The following MTERF4 variants were observed in gnomAD, a reference collection of about 807,000 sequenced individuals.
MTERF4 encodes the protein mitochondrial transcription termination factor 4, also known as transcription termination factor 4, mitochondrial.
A neutral mutation model predicts 22.5 loss-of-function variants in MTERF4; 17 were observed. The observed-to-expected ratio is 0.75, with a 90% confidence interval of 0.52 to 1.13. The LOEUF is 1.13. Among genes scored for constraint, MTERF4 ranks in the 50% most tolerant of loss-of-function variants. The pLI is 0.00. For synonymous variants in MTERF4, 165 were observed against 175.3 expected (o/e 0.94, Z 0.47); for missense variants, 420 against 466.8 (o/e 0.90, Z 0.92).
chr2:241,097,474 A>T, intron 2 of MTERF4, 47 bp from the exon 3 acceptor site: 1 of 1,559,576 alleles, frequency 6.4e-7, no homozygotes, highest in Non-Finnish European at 8.7e-7. Flanking sequence ...AGGATACTCC[A>T]GAAACTCAAG....
rs1185157220 is a variant in MTERF4, at chr2:241,096,392, C to T, written c.752G>A (p.Ser251Asn). ...MGIKHPDIVK[S>N]EYLQYSLTKI... ...GGTTAGTGAATACTGCAAGTACTCA[C>T]TCTTTACAATGTCTGGATGCTTAAT... Residue 251 changes from serine to asparagine, a missense_variant, in exon 4 of 4, where the codon AGT becomes AAT. Physicochemically the swap from Ser to Asn is conservative, Grantham distance 46. Transcript: ENST00000391980. The surrounding 1 kb of genome is among the most constrained non-coding windows in gnomAD (Gnocchi z 5.1). 8 of 1,614,094 alleles carry T rather than the reference C, an allele frequency of 5.0e-6. No homozygotes were observed. The highest frequency in any genetic ancestry group is 6.8e-6 in the Non-Finnish European group (8 of 1,180,054).
chr2:241,090,421 CT>C (rs79342625), downstream of MTERF4: 46 of 1,547,876 alleles, frequency 3.0e-5, no homozygotes, highest in African/African-American at 4.1e-4. Context: ...TTATAGTTAA[CT>C]TTTTTTCATA....
the MTERF4 span, among the ~76,000 whole-genome samples, chr2:241,045,955 A>T: frequency 6.6e-6 from 1 of 152,236 alleles, no homozygotes; most frequent in African/African-American, 2.4e-5. Flanking sequence ...TCAAATCTCA[A>T]CTGTGAGAAA....
downstream of MTERF4, chr2:241,092,149 A>T (rs544058126): frequency 6.6e-6 from 1 of 152,456 alleles, no homozygotes; most frequent in East Asian, 1.9e-4. This position sits in a 1 kb window ranked among gnomAD's most constrained non-coding sequence, Gnocchi z 4.6. Flanking sequence ...TCAGAAGGAA[A>T]GCCGGGTTGC....
At chr2:241,074,839 T>G (rs1207922480) in exon 5 of MTERF4, 1 of 152,198 alleles carries the variant, frequency 6.6e-6, no homozygotes, top group African/African-American at 2.4e-5. Flanking sequence ...GAACGATACC[T>G]TCTATCTTGC....
chr2:241,062,931 G>A, the MTERF4 span: 1 of 1,436,002 alleles, frequency 7.0e-7, no homozygotes, highest in East Asian at 2.4e-5. Flanking sequence ...CCCCGCTGGG[G>A]TGACAGCTGC....
the MTERF4 span, among the ~76,000 whole-genome samples, chr2:241,063,176 C>T: frequency 6.6e-6 from 1 of 152,252 alleles, no homozygotes; most frequent in African/African-American, 2.4e-5. Flanking sequence ...AGGTCACAGT[C>T]TCTGACACCT....
At chr2:241,048,703 C>T in the MTERF4 span, 1 of 1,612,956 alleles carries the variant, frequency 6.2e-7, no homozygotes, top group Admixed American at 1.7e-5. Flanking sequence ...AGGCAGATGC[C>T]TGGGCGCCAA....
chr2:241,071,475 C>T, downstream of MTERF4: 1 of 1,396,630 alleles, frequency 7.2e-7, no homozygotes, highest in Non-Finnish European at 9.8e-7. Flanking sequence ...TTCCCTTCTC[C>T]AAGCACGGCT....
chr2:241,101,301 C>G (rs2064696361), intron 1 of MTERF4: 1 of 396,292 alleles, frequency 2.5e-6, no homozygotes, highest in East Asian at 7.7e-5. Context: ...CTCAAAGGCG[C>G]AGTTCACAAT....
Position 241,099,774 on chromosome 2 carries a change from T to A in MTERF4, c.142A>T (p.Asn48Tyr). 3.1e-6 allele frequency: 5 copies of A among 1,614,140 alleles called. No homozygotes were observed. In the South Asian group the frequency reaches 4.4e-5, roughly 14 times the overall value. Residue 48 changes from asparagine to tyrosine, a missense_variant, in exon 2 of 4, where the codon AAT becomes TAT. Physicochemically the swap from Asn to Tyr is moderately radical, Grantham distance 143. Coordinates refer to ENST00000391980, the MANE Select transcript of MTERF4 (RefSeq NM_182501.4). ...SLLRKLTTAS[N>Y]GGVIEELSCV... is the part of the protein sequence containing the mutation. ...GATAACTCCTCAATGACCCCTCCAT[T>A]GGAGGCTGTAGTCAGTTTGCGCAAC... is the stretch of plus-strand genomic sequence containing the variant.
chr2:241,050,434 T>G, the MTERF4 span, among the ~76,000 whole-genome samples: 1 of 152,124 alleles, frequency 6.6e-6, no homozygotes, highest in Non-Finnish European at 1.5e-5. Context: ...CCCCCAGACC[T>G]GTTCAGCATC....
At chr2:241,100,131 G>A (rs2064637934) in intron 1 of MTERF4, 1 of 463,780 alleles carries the variant, frequency 2.2e-6, no homozygotes, top group Non-Finnish European at 3.8e-6. Context: ...GTTAGCTTTT[G>A]CAGCTTTAAG....
chr2:241,061,350 T>C, the MTERF4 span, among the ~76,000 whole-genome samples: 3 of 152,212 alleles, frequency 2.0e-5, no homozygotes, highest in African/African-American at 7.2e-5. Flanking sequence ...TTCAGAAGTC[T>C]GAAAAGCCTA....
At chr2:241,042,658 C>A in the MTERF4 span, among the ~76,000 whole-genome samples, 4 of 151,876 alleles carry the variant, frequency 2.6e-5, no homozygotes, top group African/African-American at 7.3e-5. Flanking sequence ...GGGAAAAAAA[C>A]CTAATGAGAA....
chr2:241,059,235 C>T, the MTERF4 span, among the ~76,000 whole-genome samples: 1 of 152,214 alleles, frequency 6.6e-6, no homozygotes, highest in Non-Finnish European at 1.5e-5. Context: ...ATCTGTTACA[C>T]TTAATTTGTA....
chr2:241,057,437 T>C, the MTERF4 span, among the ~76,000 whole-genome samples: 1 of 136,474 alleles, frequency 7.3e-6, no homozygotes, highest in Admixed American at 8.4e-5. Flanking sequence ...CTCACACATA[T>C]AATGGGAGGT....
At chr2:241,085,419 AG>A (rs1421278867), downstream of MTERF4, among the ~76,000 whole-genome samples, 1 of 152,210 alleles carries the variant, frequency 6.6e-6, no homozygotes, top group Admixed American at 6.5e-5. Flanking sequence ...TATCATCTCC[AG>A]AAGTTTCATT....
chr2:241,094,398 C>A (rs561989840), downstream of MTERF4: 7 of 471,096 alleles, frequency 1.5e-5, no homozygotes, highest in Admixed American at 2.4e-5. This position sits in a 1 kb window ranked among gnomAD's most constrained non-coding sequence, Gnocchi z 4.3. Context: ...AAACAAAAGT[C>A]TTTTTCTTTG....
Sources: allele counts gnomAD v4.1 joint callset (sites outside exome capture counted in the v4.1 genomes callset), GRCh38; gene constraint gnomAD v4.1.1; non-coding constraint Gnocchi (gnomAD v3.1); transcripts MANE v1.5; gene names NCBI Gene and HGNC (gene_info 2026-07-23, HGNC 2026-07-21).